The following NFIB variants were observed in gnomAD, a reference collection of about 807,000 sequenced individuals.
NFIB encodes nuclear factor I B.
Under a neutral mutation model 61.5 loss-of-function variants are expected in NFIB, and 11 were observed. The ratio of observed to expected loss-of-function variants is 0.18; its 90% CI spans 0.11 to 0.30. The LOEUF (loss-of-function observed/expected upper bound fraction) is 0.30. Among genes scored for constraint, NFIB ranks in the 10% least tolerant of loss-of-function variants. NFIB has a pLI of 1.00. For synonymous variants in NFIB, 260 were observed against 216.5 expected (o/e 1.20, Z -1.76); for missense variants, 471 against 608.9 (o/e 0.77, Z 2.38).
chr9:14,435,465 G>T, the NFIB span, among the ~76,000 whole-genome samples: 754 of 152,292 alleles, frequency 5.0e-3, 11 homozygotes, highest in African/African-American at 0.017. Flanking sequence ...ATTAACCTCT[G>T]TGCCTCTGTT....
At chr9:14,428,108 G>A in the NFIB span, among the ~76,000 whole-genome samples, 6 of 151,238 alleles carry the variant, frequency 4.0e-5, no homozygotes, top group African/African-American at 9.7e-5. Flanking sequence ...ACCGTACCTC[G>A]CTAATTTTTA....
At chr9:14,350,380 T>C (rs2061092317) in intron 1 of NFIB, among the ~76,000 whole-genome samples, 1 of 152,142 alleles carries the variant, frequency 6.6e-6, no homozygotes, top group South Asian at 2.1e-4. Context: ...TGTTAAAACA[T>C]GATGGTTGGA....
intron 10 of NFIB, among the ~76,000 whole-genome samples, chr9:14,101,799 C>T (rs1430177888): frequency 6.6e-6 from 1 of 152,132 alleles, no homozygotes; most frequent in Non-Finnish European, 1.5e-5. Flanking sequence ...TTTTCTCAGC[C>T]AACCAAATAA....
chr9:14,102,269 G>A (rs988653223), intron 10 of NFIB, among the ~76,000 whole-genome samples: 16 of 151,952 alleles, frequency 1.1e-4, no homozygotes, highest in African/African-American at 3.4e-4. Flanking sequence ...ATTTACATAA[G>A]AAATAAAGGA....
At chr9:14,521,512 A>G in the NFIB span, among the ~76,000 whole-genome samples, 5 of 152,194 alleles carry the variant, frequency 3.3e-5, no homozygotes, top group East Asian at 1.9e-4. Flanking sequence ...TGGGAATTAC[A>G]TATACTTTTC....
upstream of NFIB, among the ~76,000 whole-genome samples, chr9:14,315,638 T>C (rs2060511570): frequency 1.4e-5 from 2 of 147,888 alleles, no homozygotes; most frequent in Admixed American, 1.3e-4. Context: ...ACCGCGGCGC[T>C]GCCCCGCCCC....
rs934778030 is a variant in NFIB, at chr9:14,200,709, T to C, written c.563-20929A>G. 3.3e-5 allele frequency among the ~76,000 whole-genome samples: 5 copies of C among 152,140 alleles called. No homozygotes were observed. In the East Asian group the frequency reaches 7.7e-4, roughly 23 times the overall value. ...TGGCTATCTCCTTCTCTTCTGTTGGTCCCTTATATGTTGGTGATCCCAAAG... is the reference window on the plus strand; with the variant it reads ...TGGCTATCTCCTTCTCTTCTGTTGGCCCCTTATATGTTGGTGATCCCAAAG... On this transcript the variant is annotated intron_variant, in intron 2 of 10. Transcript: ENST00000380953.
intron 10 of NFIB, among the ~76,000 whole-genome samples, chr9:14,097,627 T>TAC (rs759478139): frequency 1.3e-5 from 2 of 151,956 alleles, no homozygotes; most frequent in Admixed American, 6.6e-5. Context: ...ACACACTACA[T>TAC]ACACACACAC....
intron 3 of NFIB, among the ~76,000 whole-genome samples, chr9:14,178,956 G>A (rs1341780865): frequency 6.6e-6 from 1 of 152,014 alleles, no homozygotes; most frequent in African/African-American, 2.4e-5. Context: ...GGGTTTTTGT[G>A]TTTGGTTTTG....
chr9:14,152,505 A>G, intron 4 of NFIB, among the ~76,000 whole-genome samples: 1 of 152,092 alleles, frequency 6.6e-6, no homozygotes, highest in Non-Finnish European at 1.5e-5. Flanking sequence ...CTGGCTTCCT[A>G]TCACAGTAAT....
chr9:14,487,762 G>C, the NFIB span, among the ~76,000 whole-genome samples: 1 of 152,220 alleles, frequency 6.6e-6, no homozygotes, highest in South Asian at 2.1e-4. Flanking sequence ...CTAATCATTA[G>C]TTCTTGCAAA....
At chr9:14,332,143 G>A (rs928213841) in intron 1 of NFIB, among the ~76,000 whole-genome samples, 1 of 152,006 alleles carries the variant, frequency 6.6e-6, no homozygotes, top group Non-Finnish European at 1.5e-5. Context: ...GACCAGCCTG[G>A]CCAACATGGT....
chr9:14,429,098 G>C, the NFIB span, among the ~76,000 whole-genome samples: 1 of 152,146 alleles, frequency 6.6e-6, no homozygotes, highest in African/African-American at 2.4e-5. Flanking sequence ...ACAGAGCTTA[G>C]GTGAAGACAT....
chr9:14,406,645 T>C, the NFIB span, among the ~76,000 whole-genome samples: 1 of 152,144 alleles, frequency 6.6e-6, no homozygotes, highest in African/African-American at 2.4e-5. Context: ...ATTTCCTCTC[T>C]CATAGCTAGG....
At chr9:14,106,999 G>T (rs1207463836) in intron 10 of NFIB, among the ~76,000 whole-genome samples, 7 of 151,780 alleles carry the variant, frequency 4.6e-5, no homozygotes, top group Non-Finnish European at 1.0e-4. Context: ...CGTTTACAAT[G>T]GCCCTCAGGA....
chr9:14,233,988 T>C lies in NFIB; in HGVS notation c.563-54208A>G, dbSNP rs150824129. Among the ~76,000 whole-genome samples the C allele has an allele frequency of 1.4e-4, 21 of 152,306 alleles. No homozygotes were observed. In the East Asian group the frequency reaches 4.1e-3, roughly 29 times the overall value. ...ATGCTTTACTTATAGAAAGCACCTA[T>C]CAATTATAATTAGCAAAACAGGAGT... On this transcript the variant is annotated intron_variant, in intron 2 of 10. Coordinates refer to ENST00000380953, the MANE Select transcript of NFIB (RefSeq NM_001190737.2).
the NFIB span, among the ~76,000 whole-genome samples, chr9:14,453,774 T>C: frequency 6.6e-6 from 1 of 152,260 alleles, no homozygotes; most frequent in South Asian, 2.1e-4. Flanking sequence ...GCAGTAAATT[T>C]TTATAACAAA....
At chr9:14,249,515 G>A (rs1382935685) in intron 2 of NFIB, among the ~76,000 whole-genome samples, 1 of 152,064 alleles carries the variant, frequency 6.6e-6, no homozygotes, top group Non-Finnish European at 1.5e-5. Flanking sequence ...CTAGGCTAAA[G>A]TGCATTTTTG....
At chr9:14,364,266 G>A (rs767362496) in intron 1 of NFIB, among the ~76,000 whole-genome samples, 1 of 152,116 alleles carries the variant, frequency 6.6e-6, no homozygotes, top group Non-Finnish European at 1.5e-5. Flanking sequence ...GAGTTAACAG[G>A]TTCAGCCTGT....
Sources: allele counts gnomAD v4.1 joint callset (sites outside exome capture counted in the v4.1 genomes callset), GRCh38; gene constraint gnomAD v4.1.1; transcripts MANE v1.5; gene names NCBI Gene and HGNC (gene_info 2026-07-23, HGNC 2026-07-21).